ZNF717: variants seen among roughly 807,000 people sequenced by gnomAD.
ZNF717 encodes the protein krueppel-like factor X17.
Under a neutral mutation model 13.8 loss-of-function variants are expected in ZNF717, and 9 were observed. The ratio of observed to expected loss-of-function variants is 0.65; its 90% CI spans 0.39 to 1.14. The LOEUF is 1.14. ZNF717 is among the 50% of genes most tolerant of loss of function. ZNF717 has a pLI of 0.01. For synonymous variants in ZNF717, 327 were observed against 364.1 expected, an observed-to-expected ratio of 0.90 and a Z score of 1.16; for missense variants, 1,040 against 1,080.7, an observed-to-expected ratio of 0.96 and a Z score of 0.53.
chr3:75,750,696 C>T (rs1575829011), intron 2 of ZNF717, among the ~76,000 whole-genome samples: 1 of 151,340 alleles, frequency 6.6e-6, no homozygotes, highest in Admixed American at 6.6e-5. Flanking sequence ...GAATGTTTGA[C>T]CCTCACATAG....
chr3:75,695,844 T>C (rs1575756208), intron 6 of ZNF717, among the ~76,000 whole-genome samples: 1 of 152,000 alleles, frequency 6.6e-6, no homozygotes, highest in Non-Finnish European at 1.5e-5. Flanking sequence ...AAAAGGAAAA[T>C]TTATAACTGT....
At chr3:75,744,064 C>T (rs1191196030) in intron 2 of ZNF717, among the ~76,000 whole-genome samples, 2 of 152,262 alleles carry the variant, frequency 1.3e-5, no homozygotes, top group African/African-American at 4.8e-5. Context: ...GAAACAAGTA[C>T]AGAATCTACA....
Position 75,700,863 on chromosome 3 carries a change from T to C in ZNF717, n.1085+10324A>G, listed in dbSNP as rs576447790. Among the ~76,000 whole-genome samples the C allele has an allele frequency of 7.9e-5, 12 of 152,428 alleles. No individual in the cohort carries two copies. The South Asian group carries it at 2.5e-3, about 32-fold the overall frequency. ...ACAAGAAAACATTGGAGAAACTCTTTAGGGCATTGGTTTGGGCAAAAATTT... is the reference window on the plus strand; with the variant it reads ...ACAAGAAAACATTGGAGAAACTCTTCAGGGCATTGGTTTGGGCAAAAATTT... On this transcript the variant is annotated intron_variant and non_coding_transcript_variant, in intron 6 of 6. Coordinates refer to the ZNF717 transcript ENST00000648506.
At chr3:75,730,348 A>G (rs1391005677) in exon 6 of ZNF717, 10 of 335,516 alleles carry the variant, frequency 3.0e-5, no homozygotes, top group South Asian at 6.9e-5. Flanking sequence ...TAGGGAAGCA[A>G]TAGTTAAAAA....
chr3:75,697,437 T>A (rs1158652488), intron 6 of ZNF717, among the ~76,000 whole-genome samples: 8 of 152,268 alleles, frequency 5.3e-5, no homozygotes, highest in African/African-American at 1.7e-4. Context: ...TTTGGTACTA[T>A]CCTCATAATA....
intron 5 of ZNF717, among the ~76,000 whole-genome samples, chr3:75,712,562 G>C: frequency 6.6e-6 from 1 of 152,116 alleles, no homozygotes; most frequent in East Asian, 1.9e-4. Context: ...TCACAAATGA[G>C]TTACTCAGAC....
chr3:75,717,615 G>A (rs1938082314), intron 4 of ZNF717, among the ~76,000 whole-genome samples: 1 of 152,166 alleles, frequency 6.6e-6, no homozygotes, highest in African/African-American at 2.4e-5. Flanking sequence ...ATGGAGATCA[G>A]TGTGAGTGCC....
intron 4 of ZNF717, among the ~76,000 whole-genome samples, chr3:75,721,470 G>T (rs1296819256): frequency 6.6e-6 from 1 of 152,092 alleles, no homozygotes; most frequent in Non-Finnish European, 1.5e-5. Context: ...CAGTAGAGAC[G>T]GGGTTTTGCA....
At chr3:75,732,986 A>G (rs1938717639), downstream of ZNF717, among the ~76,000 whole-genome samples, 1 of 152,248 alleles carries the variant, frequency 6.6e-6, no homozygotes, top group African/African-American at 2.4e-5. Flanking sequence ...CAAAGGAGAC[A>G]GCATTCAAGA....
At chr3:75,724,563 C>G (rs1938238226) in intron 4 of ZNF717, among the ~76,000 whole-genome samples, 1 of 152,146 alleles carries the variant, frequency 6.6e-6, no homozygotes, top group Non-Finnish European at 1.5e-5. Context: ...TGAGTTCTTA[C>G]CATTTTATCA....
At chr3:75,757,082 A>G (rs780869298) in intron 2 of ZNF717, among the ~76,000 whole-genome samples, 5 of 152,284 alleles carry the variant, frequency 3.3e-5, no homozygotes, top group Non-Finnish European at 7.3e-5. Flanking sequence ...AGTCATCTCC[A>G]TAACATAAAA....
chr3:75,718,139 T>A (rs1938094518), intron 4 of ZNF717, among the ~76,000 whole-genome samples: 1 of 152,152 alleles, frequency 6.6e-6, no homozygotes, highest in African/African-American at 2.4e-5. Context: ...ACCTCAGAGT[T>A]ACACAGCCAG....
At chr3:75,758,023 C>G (rs1028505144) in intron 2 of ZNF717, among the ~76,000 whole-genome samples, 2 of 143,570 alleles carry the variant, frequency 1.4e-5, no homozygotes, top group African/African-American at 5.2e-5. Context: ...GAGGCTGAGG[C>G]AGGAGAATTG....
At chr3:75,757,606 C>T (rs1942605885) in intron 2 of ZNF717, among the ~76,000 whole-genome samples, 1 of 152,162 alleles carries the variant, frequency 6.6e-6, no homozygotes, top group African/African-American at 2.4e-5. Flanking sequence ...CCTACTAACC[C>T]AACATTCATT....
chr3:75,750,106 G>A (rs1941596754), intron 2 of ZNF717, among the ~76,000 whole-genome samples: 1 of 150,964 alleles, frequency 6.6e-6, no homozygotes, highest in African/African-American at 2.4e-5. Flanking sequence ...CTGCTGCTAG[G>A]GTCTGAATGT....
chr3:75,736,189 T>C lies in ZNF717; in HGVS notation c.*689A>G, dbSNP rs1160247949. 3 of 152,288 alleles carry C rather than the reference T, an allele frequency of 2.0e-5. No homozygotes were observed. Among genetic ancestry groups the C allele is most frequent in the African/African-American group, 7.2e-5 (3 of 41,462 alleles). 9.4% of individuals were successfully genotyped at this position (152,288 alleles called of 1,614,324 possible). On this transcript the variant is annotated 3_prime_UTR_variant, in exon 5 of 5. Coordinates refer to ENST00000652011, the MANE Select transcript of ZNF717 (RefSeq NM_001290208.3). ...TTGACTAGTCATTTCCCTGTCTCTG[T>C]TTCTCTCTTCTAGCTCCCCATTCCC... is the stretch of plus-strand genomic sequence containing the variant.
At chr3:75,760,367 AT>A (rs1942888864) in intron 2 of ZNF717, among the ~76,000 whole-genome samples, 1 of 152,250 alleles carries the variant, frequency 6.6e-6, no homozygotes, top group Non-Finnish European at 1.5e-5. Flanking sequence ...TAAAGTTTAC[AT>A]TTCTGAGTTA....
chr3:75,731,477 C>G (rs1446081768), downstream of ZNF717, among the ~76,000 whole-genome samples: 3 of 151,954 alleles, frequency 2.0e-5, no homozygotes, highest in African/African-American at 7.3e-5. Flanking sequence ...GGGAGAATCA[C>G]TTGAACCTGG....
chr3:75,734,538 T>C (rs1302602949), downstream of ZNF717, among the ~76,000 whole-genome samples: 1 of 150,208 alleles, frequency 6.7e-6, no homozygotes, highest in Non-Finnish European at 1.5e-5. Context: ...GTTCATGCCA[T>C]TCTCCTGCCT....
Sources: allele counts gnomAD v4.1 joint callset (sites outside exome capture counted in the v4.1 genomes callset), GRCh38; gene constraint gnomAD v4.1.1; transcripts MANE v1.5; gene names NCBI Gene and HGNC (gene_info 2026-07-23, HGNC 2026-07-21).